The following BSN variants were observed in gnomAD, a reference collection of about 807,000 sequenced individuals.
The protein encoded by BSN is protein bassoon.
BSN carries 57 observed loss-of-function variants against 264.8 expected under a neutral mutation model. That is an observed-to-expected ratio of 0.22 (90% confidence interval 0.17 to 0.27). BSN has a LOEUF of 0.27. Among genes scored for constraint, BSN ranks in the 10% least tolerant of loss-of-function variants. BSN has a pLI of 1.00. For missense variants in BSN, 4,615 were observed against 5,232.5 expected (o/e 0.88, Z 3.64); for synonymous variants, 2,059 against 2,137.3 (o/e 0.96, Z 1.01).
intron 5 of BSN, 41 bp downstream of exon 5, chr3:49,658,237 C>T (rs562448694): frequency 1.3e-6 from 2 of 1,488,472 alleles, no homozygotes; most frequent in Admixed American, 2.4e-5. Context: ...ACAGGGGTCT[C>T]TGCCTAGCCC....
chr3:49,572,186 A>T (rs776561497), intron 1 of BSN, among the ~76,000 whole-genome samples: 5 of 152,220 alleles, frequency 3.3e-5, no homozygotes, highest in Non-Finnish European at 5.9e-5. Flanking sequence ...TTATAACATG[A>T]TGGAGATTGA....
rs2052746585 is a variant in BSN, at chr3:49,670,387, C to A, written c.*2902C>A. ...CTAGTCTCAGGCTCTAAAGTACTGA[C>A]TTTTCAGCAAATTTCCTTTCTGGCC... On this transcript the variant is annotated 3_prime_UTR_variant, in exon 12 of 12. Transcript: ENST00000296452. The A allele has an allele frequency of 6.6e-6, 1 of 152,284 alleles. No individual in the cohort carries two copies. The highest frequency in any genetic ancestry group is 1.5e-5 in the Non-Finnish European group (1 of 68,086). The allele number at this position is 152,284 out of a possible 1,614,324, so 9.4% of individuals were successfully genotyped here.
At chr3:49,613,908 C>T (rs1042710953) in intron 1 of BSN, among the ~76,000 whole-genome samples, 11 of 152,078 alleles carry the variant, frequency 7.2e-5, no homozygotes, top group African/African-American at 2.2e-4. Context: ...TGAATAAAAA[C>T]TTCTAGAGAT....
intron 1 of BSN, among the ~76,000 whole-genome samples, chr3:49,623,718 G>A (rs1575440553): frequency 6.6e-6 from 1 of 152,200 alleles, no homozygotes; most frequent in Admixed American, 6.5e-5. Context: ...CAGAAGGAAG[G>A]CTCCTTTGTG....
At chr3:49,618,227 C>G (rs939325717) in intron 1 of BSN, among the ~76,000 whole-genome samples, 2 of 152,134 alleles carry the variant, frequency 1.3e-5, no homozygotes, top group African/African-American at 2.4e-5. Context: ...TTACCCCCTA[C>G]CCCCACCTCA....
chr3:49,672,370 A>G (rs2052791950), downstream of BSN, among the ~76,000 whole-genome samples: 1 of 151,970 alleles, frequency 6.6e-6, no homozygotes, highest in Admixed American at 6.6e-5. Context: ...CTATTTTCCA[A>G]TCTTTCCACC....
At chr3:49,628,144 G>C (rs2052356618) in intron 2 of BSN, among the ~76,000 whole-genome samples, 1 of 152,216 alleles carries the variant, frequency 6.6e-6, no homozygotes, top group African/African-American at 2.4e-5. Flanking sequence ...GTGAAACTGT[G>C]CTTGGAACTT....
At chr3:49,665,130 A>G (rs548581189) in intron 10 of BSN, 99 bp from the exon 11 acceptor site, 180 of 369,354 alleles carry the variant, frequency 4.9e-4, no homozygotes, top group Admixed American at 1.0e-3. Flanking sequence ...ACCATCTGCC[A>G]TCCCCTGCAG....
At position 49,587,898 on chromosome 3, in the gene BSN, T is replaced by TTTTCTTTTCTTTTCTTTTCTTTTCC. The variant is rs2051948249; in HGVS notation, c.224+33096_224+33097insCTTTCTTTTCTTTTCTTTTCTTTTC. Among the ~76,000 whole-genome samples the TTTTCTTTTCTTTTCTTTTCTTTTCC allele has an allele frequency of 2.2e-5, 3 of 134,648 alleles. No individual in the cohort carries two copies. The Admixed American group carries it at 2.3e-4, about 10-fold the overall frequency. The allele number at this position is 134,648 out of a possible 152,430, so 88.3% of individuals were successfully genotyped here. A position where few individuals can be genotyped will look rare whatever the true frequency, so the allele number is the denominator to read the frequency against. ...AGGGAAAGTTGGGGTTTTTCTTTTC[T>TTTTCTTTTCTTTTCTTTTCTTTTCC]TTTCTTTTCTTTTCTTTTCTTTTCT... On this transcript the variant is annotated intron_variant, in intron 1 of 11. Coordinates refer to ENST00000296452, the MANE Select transcript of BSN (RefSeq NM_003458.4).
rs765415502 is a variant in BSN at position 49,573,656 on chromosome 3, G to GT, written c.224+18830_224+18831insT. Among the ~76,000 whole-genome samples, 728 of 144,082 alleles carry GT rather than the reference G, an allele frequency of 5.1e-3. 19 individuals are homozygous for GT. The highest frequency in any genetic ancestry group is 0.014 in the African/African-American group (562 of 39,002). The allele number at this position is 144,082 out of a possible 152,430, so 94.5% of individuals were successfully genotyped here. A position where few individuals can be genotyped will look rare whatever the true frequency, so the allele number is the denominator to read the frequency against. ...GAGGTAGCAGCAGTACTTTCTCTCT[G>GT]GTTTTTTTTTTTTTTTTTGAGACGG... On this transcript the variant is annotated intron_variant, in intron 1 of 11. Coordinates refer to ENST00000296452, the MANE Select transcript of BSN (RefSeq NM_003458.4).
At chr3:49,619,912 G>A (rs2052290838) in intron 1 of BSN, among the ~76,000 whole-genome samples, 1 of 152,164 alleles carries the variant, frequency 6.6e-6, no homozygotes, top group Non-Finnish European at 1.5e-5. Flanking sequence ...CATCCAGTTT[G>A]TGCCAGGCAC....
chr3:49,663,415 G>T lies in BSN; in HGVS notation c.11257G>T (p.Ala3753Ser). ...AQPQLQGRQA[A>S]PGPQQSQSPS... is the part of the protein sequence containing the mutation. The stretch of plus-strand genomic sequence containing the variant: ...GCCGCAGCTGCAAGGTCGGCAGGCA[G>T]CTCCAGGACCACAGCAGTCACAGTC... Residue 3753 changes from alanine (A) to serine (S), a missense_variant, in exon 7 of 12, where the codon GCT becomes TCT. Physicochemically the swap from Ala to Ser is moderately conservative, Grantham distance 99. Coordinates refer to ENST00000296452, the MANE Select transcript of BSN (RefSeq NM_003458.4). The T allele has an allele frequency of 6.2e-7, 1 of 1,612,822 alleles. No homozygotes were observed. Among genetic ancestry groups the T allele is most frequent in the Non-Finnish European group, 8.5e-7 (1 of 1,179,990 alleles).
chr3:49,574,751 C>G (rs1009825792), intron 1 of BSN, among the ~76,000 whole-genome samples: 1 of 151,622 alleles, frequency 6.6e-6, no homozygotes, highest in South Asian at 2.1e-4. Flanking sequence ...TTCTCTTGCC[C>G]CAGCGAGTAG....
At chr3:49,596,930 G>A (rs540558329) in intron 1 of BSN, among the ~76,000 whole-genome samples, 2 of 151,916 alleles carry the variant, frequency 1.3e-5, no homozygotes, top group East Asian at 1.9e-4. Flanking sequence ...TCCTTATATC[G>A]TTGATGCGGT....
intron 2 of BSN, among the ~76,000 whole-genome samples, chr3:49,639,268 G>A (rs1019957133): frequency 6.9e-5 from 10 of 145,806 alleles, no homozygotes; most frequent in Middle Eastern, 3.6e-3. Context: ...GCATGATCTC[G>A]GCTCACTACA....
At chr3:49,581,980 C>T (rs2051898613) in intron 1 of BSN, among the ~76,000 whole-genome samples, 1 of 152,130 alleles carries the variant, frequency 6.6e-6, no homozygotes, top group Non-Finnish European at 1.5e-5. Flanking sequence ...GTTCAAGTCC[C>T]TGGTTTTACT....
chr3:49,601,704 A>G (rs906024643), intron 1 of BSN, among the ~76,000 whole-genome samples: 1 of 152,318 alleles, frequency 6.6e-6, no homozygotes, highest in Middle Eastern at 3.4e-3. Context: ...CCTGGTTTAT[A>G]TCCAGTCTCA....
intron 1 of BSN, among the ~76,000 whole-genome samples, chr3:49,578,682 A>C (rs1354566248): frequency 6.6e-6 from 1 of 152,092 alleles, no homozygotes; most frequent in African/African-American, 2.4e-5. Flanking sequence ...CTGGGATTAC[A>C]GGTGTGAACC....
chr3:49,575,932 C>T (rs922646923), intron 1 of BSN, among the ~76,000 whole-genome samples: 40 of 151,970 alleles, frequency 2.6e-4, no homozygotes, highest in South Asian at 4.1e-4. Flanking sequence ...AATATACACA[C>T]GCATACTTTT....
Sources: gnomAD v4.1 joint callset for allele counts (sites outside exome capture counted in the v4.1 genomes callset) on GRCh38, gnomAD v4.1.1 for gene constraint, MANE v1.5 for transcripts, NCBI Gene and HGNC (gene_info 2026-07-23, HGNC 2026-07-21) for gene names.